Variants in PCDHGA5 observed in about 807,000 individuals in gnomAD.
PCDHGA5 encodes the protein protocadherin gamma-A5.
Under a neutral mutation model 56.7 loss-of-function variants are expected in PCDHGA5, and 36 were observed. The ratio of observed to expected loss-of-function variants is 0.64; its 90% confidence interval spans 0.49 to 0.84. The LOEUF is 0.84. PCDHGA5 is among the 40% of genes least tolerant of loss of function. The pLI, the probability that PCDHGA5 is intolerant of heterozygous loss-of-function variation, is 0.00. For missense variants in PCDHGA5, 1,305 were observed against 1,201.5 expected (o/e 1.09, Z -1.27); for synonymous variants, 563 against 520.2 (o/e 1.08, Z -1.12).
chr5:141,505,302 G>GTAC, intron 2 of PCDHGA5, 91 bp from the exon 3 acceptor site: 5 of 1,592,714 alleles, frequency 3.1e-6, no homozygotes, highest in Non-Finnish European at 4.3e-6. Context: ...TAGGGTTAGG[G>GTAC]TACTAGGTTT....
intron 1 of PCDHGA5, chr5:141,408,518 T>A (rs1330187050): frequency 6.2e-7 from 1 of 1,614,010 alleles, no homozygotes; most frequent in African/African-American, 1.3e-5. Flanking sequence ...TGAGTTGCAA[T>A]TGGAAGCTGT....
At chr5:141,404,058 T>C (rs1411363585) in intron 1 of PCDHGA5, 1 of 1,613,778 alleles carries the variant, frequency 6.2e-7, no homozygotes, top group Non-Finnish European at 8.5e-7. Flanking sequence ...ATTCTTCTTT[T>C]CAATGCTCAT....
chr5:141,492,919 C>A (rs1019663003), intron 1 of PCDHGA5, among the ~76,000 whole-genome samples: 1 of 152,192 alleles, frequency 6.6e-6, no homozygotes, highest in Non-Finnish European at 1.5e-5. Context: ...ATGTGCCCAG[C>A]GATCTAGGGT....
intron 3 of PCDHGA5, among the ~76,000 whole-genome samples, chr5:141,509,277 T>TC (rs566266970): frequency 0.011 from 1,653 of 152,240 alleles, 22 homozygotes; most frequent in Non-Finnish European, 0.018. Context: ...CGCTACCCGC[T>TC]CCCAGGGTCC....
chr5:141,510,825 G>C, intron 3 of PCDHGA5, 122 bp from the exon 4 acceptor site: 2 of 1,566,486 alleles, frequency 1.3e-6, no homozygotes, highest in Non-Finnish European at 1.7e-6. Flanking sequence ...TATATTCCCA[G>C]TGCTCAGCGT....
In PCDHGA5 at chr5:141,511,098, T is replaced by G; in HGVS notation, c.2721T>G (p.Ala907=). 6.2e-7 allele frequency: 1 copy of G among 1,614,132 alleles called. No individual in the cohort carries two copies. The highest frequency in any genetic ancestry group is 8.5e-7 in the Non-Finnish European group (1 of 1,179,996). ...PGSNATLTNA[A]GKRDGKAPAG... is the part of the protein sequence containing the mutation. The stretch of plus-strand genomic sequence containing the variant: ...GCAATGCCACACTGACCAACGCAGC[T>G]GGCAAGCGGGATGGCAAGGCCCCAG... Residue 907 remains alanine, a synonymous_variant, in exon 4 of 4, where the codon GCT becomes GCG. Transcript: ENST00000518069.
intron 1 of PCDHGA5, chr5:141,423,427 G>A: frequency 1.2e-6 from 2 of 1,614,010 alleles, no homozygotes; most frequent in Non-Finnish European, 1.7e-6. Flanking sequence ...AGGCGGGTTG[G>A]CAGGTATGCC....
At position 141,491,681 on chromosome 5, in the gene PCDHGA5, C is replaced by T; in HGVS notation, c.2422-3126C>T. 6.2e-6 allele frequency: 10 copies of T among 1,613,458 alleles called. No homozygotes were observed. Among genetic ancestry groups the T allele is most frequent in the Non-Finnish European group, 8.5e-6 (10 of 1,179,804 alleles). On this transcript the variant is annotated intron_variant, in intron 1 of 3. Transcript: ENST00000518069. The surrounding 1 kb of genome is among the most constrained non-coding windows in gnomAD (Gnocchi z 6.9). ...GACGCCATCCGGTCCCGCTCTAATA[C>T]GCTGCGGGAGCGGAGCCAGGTGAGG...
At chr5:141,374,589 G>A (rs1385892757) in intron 1 of PCDHGA5, 1 of 1,613,676 alleles carries the variant, frequency 6.2e-7, no homozygotes, top group Non-Finnish European at 8.5e-7. Context: ...TCCCTTCAGG[G>A]ATTTAAGCTC....
At chr5:141,393,056 C>G in intron 1 of PCDHGA5, 2 of 1,613,606 alleles carry the variant, frequency 1.2e-6, no homozygotes, top group South Asian at 1.1e-5. Context: ...ACCCGCGCAG[C>G]GGCAGCTTGA....
In PCDHGA5 at chr5:141,382,029, A is replaced by C. The variant is rs574099831; in HGVS notation, c.2421+15278A>C. 4.6e-4 allele frequency among the ~76,000 whole-genome samples: 70 copies of C among 151,618 alleles called. 2 individuals carry two copies. The South Asian group carries it at 0.013, about 28-fold the overall frequency. On this transcript the variant is annotated intron_variant, in intron 1 of 3. Coordinates refer to ENST00000518069, the MANE Select transcript of PCDHGA5 (RefSeq NM_018918.3). Reference sequence around the variant, plus strand: ...TTTTTAGTAGAGACGGGGTTTCTCCATGTTGGTCAGGCTGGTCTCAAGCTC... The same window carrying C: ...TTTTTAGTAGAGACGGGGTTTCTCCCTGTTGGTCAGGCTGGTCTCAAGCTC...
intron 1 of PCDHGA5, chr5:141,377,893 TC>T (rs1774447878): frequency 6.6e-6 from 1 of 152,178 alleles, no homozygotes; most frequent in Admixed American, 6.5e-5. Flanking sequence ...AGGATCCCCC[TC>T]TGTTGCCCAG....
rs759346998 is a variant in PCDHGA5 at position 141,410,849 on chromosome 5, C to CTTTTTTTTTTTTT, written c.2421+44108_2421+44120dup. 1.9e-3 allele frequency: 267 copies of CTTTTTTTTTTTTT among 138,158 alleles called. 27 individuals carry two copies. The highest frequency in any genetic ancestry group is 5.5e-3 in the African/African-American group (91 of 16,622). 8.6% of individuals were successfully genotyped at this position (138,158 alleles called of 1,614,324 possible). A position where few individuals can be genotyped will look rare whatever the true frequency, so the allele number is the denominator to read the frequency against. ...CAGACTGAAGATATTTTGTCTTTGT[C>CTTTTTTTTTTTTT]TTTTTTTTTTTTTTTTTTTTTTGAG... On this transcript the variant is annotated intron_variant, in intron 1 of 3. Coordinates refer to ENST00000518069, the MANE Select transcript of PCDHGA5 (RefSeq NM_018918.3).
chr5:141,403,442 G>A, intron 1 of PCDHGA5: 2 of 1,614,024 alleles, frequency 1.2e-6, no homozygotes, highest in Admixed American at 1.7e-5. Flanking sequence ...GGATGTTGGC[G>A]TGAACTCCCT....
chr5:141,376,178 G>A (rs1249141559), intron 1 of PCDHGA5: 1 of 1,614,106 alleles, frequency 6.2e-7, no homozygotes, highest in Non-Finnish European at 8.5e-7. Context: ...GGCGGTGGCC[G>A]CGGTCTCCTG....
rs1253223100 is a variant in PCDHGA5 at position 141,493,049 on chromosome 5, T to C, written c.2422-1758T>C. Among the ~76,000 whole-genome samples the C allele has an allele frequency of 6.6e-6, 1 of 152,188 alleles. No homozygotes were observed. Among genetic ancestry groups the C allele is most frequent in the Non-Finnish European group, 1.5e-5 (1 of 68,032 alleles). Reference sequence around the variant, plus strand: ...GCCCTTATGTGTGAGGAAACTACAATAGTAAAAAACACAAGTTTCTCCAAC... The same window carrying C: ...GCCCTTATGTGTGAGGAAACTACAACAGTAAAAAACACAAGTTTCTCCAAC... On this transcript the variant is annotated intron_variant, in intron 1 of 3. Transcript: ENST00000518069. This position sits in a 1 kb window ranked among gnomAD's most constrained non-coding sequence, Gnocchi z 4.3.
At chr5:141,395,447 G>T in intron 1 of PCDHGA5, 1 of 645,040 alleles carries the variant, frequency 1.6e-6, no homozygotes, top group South Asian at 2.4e-5. Context: ...GGAAAAGATT[G>T]TTCAACCATT....
intron 1 of PCDHGA5, chr5:141,387,791 A>G: frequency 4.0e-6 from 6 of 1,492,120 alleles, no homozygotes; most frequent in Non-Finnish European, 4.5e-6. Flanking sequence ...AACTGCAACT[A>G]AAGTCCGTTC....
Position 141,489,948 on chromosome 5 carries a change from T to G in PCDHGA5, c.2422-4859T>G. The G allele has an allele frequency of 6.2e-7, 1 of 1,614,210 alleles. No homozygotes were observed. Among genetic ancestry groups the G allele is most frequent in the Non-Finnish European group, 8.5e-7 (1 of 1,180,030 alleles). ...TCTCTGTCATCGTGCTGGACATCAA[T>G]GATAATGCTCCAACCTTCCAATCCT... On this transcript the variant is annotated intron_variant, in intron 1 of 3. Transcript: ENST00000518069. The surrounding 1 kb of genome is among the most constrained non-coding windows in gnomAD (Gnocchi z 4.5).
Sources: gnomAD v4.1 joint callset for allele counts (sites outside exome capture counted in the v4.1 genomes callset) on GRCh38, gnomAD v4.1.1 for gene constraint, Gnocchi (gnomAD v3.1) non-coding constraint, MANE v1.5 for transcripts, NCBI Gene and HGNC (gene_info 2026-07-23, HGNC 2026-07-21) for gene names.